RGS20: variants seen among roughly 807,000 people sequenced by gnomAD.
RGS20 encodes gz-selective GTPase-activating protein.
In RGS20, 30 loss-of-function variants were observed where a neutral mutation model predicts 33.6. That is an observed-to-expected ratio of 0.89 (90% CI 0.67 to 1.21). RGS20 has a LOEUF of 1.21. RGS20 is among the 50% of genes most tolerant of loss of function. The probability of loss-of-function intolerance (pLI) is 0.00; values close to 1 mark genes in which losing one functional copy is unlikely to be tolerated. For missense variants in RGS20, 472 were observed against 502.4 expected (o/e 0.94, Z 0.58); for synonymous variants, 208 against 197.9 (o/e 1.05, Z -0.43).
intron 2 of RGS20, among the ~76,000 whole-genome samples, chr8:53,918,482 G>A (rs927704529): frequency 1.8e-4 from 27 of 151,556 alleles, no homozygotes; most frequent in African/African-American, 6.6e-4. Context: ...TCTGCCTCCC[G>A]GGTTCAAGCA....
chr8:53,863,075 G>C (rs906230062), intron 1 of RGS20, among the ~76,000 whole-genome samples: 1 of 152,040 alleles, frequency 6.6e-6, no homozygotes, highest in Non-Finnish European at 1.5e-5. Flanking sequence ...CGCAACCTCT[G>C]CCTCCCAGTT....
intron 1 of RGS20, among the ~76,000 whole-genome samples, chr8:53,865,708 G>A (rs959795960): frequency 7.9e-5 from 12 of 152,192 alleles, no homozygotes; most frequent in African/African-American, 2.2e-4. Flanking sequence ...CTGGGCTCAA[G>A]CTGTTCTCAT....
intron 2 of RGS20, among the ~76,000 whole-genome samples, chr8:53,905,319 T>G (rs1813134366): frequency 6.6e-6 from 1 of 152,200 alleles, no homozygotes; most frequent in Non-Finnish European, 1.5e-5. Flanking sequence ...AGTTTAGAAT[T>G]TCCACAAAAA....
At chr8:53,922,337 T>C (rs1217550617) in intron 2 of RGS20, among the ~76,000 whole-genome samples, 1 of 152,204 alleles carries the variant, frequency 6.6e-6, no homozygotes, top group Non-Finnish European at 1.5e-5. Context: ...TCTCTATGGT[T>C]GCTGTTGCCA....
In RGS20 at chr8:53,929,623, G is replaced by A. The variant is rs139958656; in HGVS notation, c.511-9953G>A. On this transcript the variant is annotated intron_variant, in intron 2 of 5. Coordinates refer to ENST00000297313, the MANE Select transcript of RGS20 (RefSeq NM_170587.4). ...GTGGAGGTTGCAGTGAGCCAAGATC[G>A]CACCATTGCACTCCAGCCTGGGTGA... Among the ~76,000 whole-genome samples the A allele has an allele frequency of 3.7e-3, 563 of 152,194 alleles. 10 individuals are homozygous for A. The East Asian group carries it at 0.046, about 12-fold the overall frequency.
intron 2 of RGS20, among the ~76,000 whole-genome samples, chr8:53,889,412 CTTTTTTTTTTTTTTTTTTTT>C (rs34316630): frequency 6.2e-4 from 26 of 41,866 alleles, no homozygotes; most frequent in South Asian, 2.9e-3. Flanking sequence ...CTCTCTCTCT[CTTTTTTTTTTTTTTTTTTTT>C]TTTTTTTTTT....
intron 4 of RGS20, 129 bp from the exon 4 acceptor site, chr8:53,953,947 T>C (rs991357972): frequency 2.7e-6 from 2 of 731,152 alleles, no homozygotes; most frequent in Non-Finnish European, 4.9e-6. Flanking sequence ...GTTCTTTCCC[T>C]TCCTAAAAGG....
intron 1 of RGS20, among the ~76,000 whole-genome samples, chr8:53,875,156 G>A (rs1812171969): frequency 6.6e-6 from 1 of 152,114 alleles, no homozygotes; most frequent in African/African-American, 2.4e-5. Flanking sequence ...CTCCAGCAGG[G>A]CATGGTGGCT....
intron 2 of RGS20, among the ~76,000 whole-genome samples, chr8:53,894,839 G>C (rs1480540335): frequency 1.3e-5 from 2 of 152,240 alleles, no homozygotes; most frequent in East Asian, 3.9e-4. Flanking sequence ...GTAAACATAG[G>C]GGAAAATTGT....
chr8:53,880,970 G>T lies in RGS20; in HGVS notation c.510+1368G>T. Reference sequence around the variant, plus strand: ...CGGTGAGCAATCGCCGACGTAGAGAGGGCAGCCCTCCGCGCTGCAATATTG... The same window carrying T: ...CGGTGAGCAATCGCCGACGTAGAGATGGCAGCCCTCCGCGCTGCAATATTG... On this transcript the variant is annotated intron_variant, in intron 2 of 5. In the 5' UTR this introduces an upstream ATG that the reference lacks. Transcript: ENST00000297313. 2 of 1,584,834 alleles carry T rather than the reference G, an allele frequency of 1.3e-6. No individual in the cohort carries two copies. The highest frequency in any genetic ancestry group is 1.7e-6 in the Non-Finnish European group (2 of 1,173,116).
intron 4 of RGS20, among the ~76,000 whole-genome samples, chr8:53,948,285 TTATATA>T (rs1390182970): frequency 7.1e-6 from 1 of 140,026 alleles, no homozygotes; most frequent in Admixed American, 7.5e-5. Flanking sequence ...GTATATATAT[TTATATA>T]TACGATATAT....
chr8:53,920,652 A>G (rs1298091662), intron 2 of RGS20, among the ~76,000 whole-genome samples: 1 of 152,120 alleles, frequency 6.6e-6, no homozygotes, highest in East Asian at 1.9e-4. Context: ...GTTTAATATG[A>G]TCTTAGATAT....
intron 2 of RGS20, among the ~76,000 whole-genome samples, chr8:53,922,583 C>G (rs1484974010): frequency 6.6e-6 from 1 of 151,890 alleles, no homozygotes; most frequent in Non-Finnish European, 1.5e-5. Flanking sequence ...TTCTCTTTTC[C>G]TCCCTTATTA....
intron 3 of RGS20, 106 bp downstream of exon 2, chr8:53,939,830 C>T: frequency 7.5e-7 from 1 of 1,337,918 alleles, no homozygotes; most frequent in Non-Finnish European, 1.0e-6. Flanking sequence ...ATGGTTAATT[C>T]AATAAGTGTT....
intron 2 of RGS20, among the ~76,000 whole-genome samples, chr8:53,911,320 C>T (rs1224464129): frequency 6.6e-6 from 1 of 152,040 alleles, no homozygotes; most frequent in Admixed American, 6.6e-5. Context: ...TAACAGAAAG[C>T]AAAATTGATC....
At chr8:53,861,768 T>G (rs892769436) in intron 1 of RGS20, among the ~76,000 whole-genome samples, 13 of 152,262 alleles carry the variant, frequency 8.5e-5, no homozygotes, top group Non-Finnish European at 1.9e-4. Flanking sequence ...AAAAGTAAGC[T>G]TATGATCAGC....
chr8:53,915,953 C>T (rs955752236), intron 2 of RGS20, among the ~76,000 whole-genome samples: 1 of 152,190 alleles, frequency 6.6e-6, no homozygotes, highest in African/African-American at 2.4e-5. Flanking sequence ...GTATTCCATA[C>T]TTCCCCTTGG....
At chr8:53,911,824 C>T (rs1361579777) in intron 2 of RGS20, among the ~76,000 whole-genome samples, 1 of 152,008 alleles carries the variant, frequency 6.6e-6, no homozygotes, top group Non-Finnish European at 1.5e-5. Context: ...GCCGGTAATC[C>T]CAGCTACTCG....
chr8:53,939,063 G>C (rs1175703024), intron 2 of RGS20, among the ~76,000 whole-genome samples: 1 of 152,184 alleles, frequency 6.6e-6, no homozygotes, highest in African/African-American at 2.4e-5. Context: ...ATGTGACTCA[G>C]GCCACTCTGG....
Sources: allele counts gnomAD v4.1 joint callset (sites outside exome capture counted in the v4.1 genomes callset), GRCh38; gene constraint gnomAD v4.1.1; transcripts MANE v1.5; gene names NCBI Gene and HGNC (gene_info 2026-07-23, HGNC 2026-07-21).